Variants in SMC4 observed in about 807,000 individuals in gnomAD.
The protein encoded by SMC4 is structural maintenance of chromosomes protein 4.
SMC4 carries 87 observed loss-of-function variants against 145.6 expected under a neutral mutation model. The observed-to-expected ratio is 0.60, with a 90% CI of 0.50 to 0.71. SMC4 has a LOEUF of 0.71. SMC4 is among the 30% of genes least tolerant of loss of function. SMC4 has a pLI of 0.00. For synonymous variants in SMC4, 558 were observed against 500.7 expected (o/e 1.11, Z -1.53); for missense variants, 1,447 against 1,537.1 (o/e 0.94, Z 0.98).
intron 18 of SMC4, among the ~76,000 whole-genome samples, chr3:160,430,142 A>G (rs1718233341): frequency 6.6e-6 from 1 of 152,242 alleles, no homozygotes; most frequent in Non-Finnish European, 1.5e-5. Flanking sequence ...CATATTGATT[A>G]TCTGGTTAAA....
At position 160,419,453 on chromosome 3, in the gene SMC4, A is replaced by G. The variant is rs769580992; in HGVS notation, c.1767A>G (p.Ser589=). The part of the protein sequence containing the change: ...LFQKVEEAKS[S]LAMNRSRGKV... ...AAAAAGTTGAAGAAGCAAAGAGCTCATTAGCAATGAATCGAAGTAGGGGGA... is the reference window on the plus strand; with the variant it reads ...AAAAAGTTGAAGAAGCAAAGAGCTCGTTAGCAATGAATCGAAGTAGGGGGA... The change falls in exon 12 of 24, where the codon TCA becomes TCG. Residue 589 remains serine, a synonymous_variant. Transcript: ENST00000357388. The G allele has an allele frequency of 7.4e-6, 12 of 1,612,364 alleles. No homozygotes were observed. The South Asian group carries it at 1.3e-4, about 18-fold the overall frequency.
At chr3:160,417,391 T>G (rs1248739285) in intron 10 of SMC4, among the ~76,000 whole-genome samples, 2 of 152,176 alleles carry the variant, frequency 1.3e-5, no homozygotes, top group Non-Finnish European at 2.9e-5. Flanking sequence ...AGTTAGTGGA[T>G]TTTCACTGTT....
At chr3:160,426,390 G>A (rs1287312599) in intron 17 of SMC4, among the ~76,000 whole-genome samples, 190 bp downstream of exon 17, 1 of 152,192 alleles carries the variant, frequency 6.6e-6, no homozygotes, top group Non-Finnish European at 1.5e-5. Context: ...TGAGGCATTT[G>A]CCTAAGGTCA....
At chr3:160,415,011 G>C (rs909949303) in intron 9 of SMC4, among the ~76,000 whole-genome samples, 8 of 152,120 alleles carry the variant, frequency 5.3e-5, no homozygotes, top group African/African-American at 1.9e-4. Flanking sequence ...AGGTATTACA[G>C]ACTTAAAAAT....
chr3:160,403,775 T>C (rs901986317), intron 4 of SMC4, among the ~76,000 whole-genome samples: 4 of 152,104 alleles, frequency 2.6e-5, no homozygotes, highest in African/African-American at 9.7e-5. Flanking sequence ...AGTGTTAAAG[T>C]AGATTTGCAA....
In SMC4 at chr3:160,420,796, T is replaced by C. The variant is rs1386924630; in HGVS notation, c.1914T>C (p.His638=). ...ACGTGGCTATATCATCCTGTTGTCATGCACTGGACTACATTGTTGTTGATT... is the reference window on the plus strand; with the variant it reads ...ACGTGGCTATATCATCCTGTTGTCACGCACTGGACTACATTGTTGTTGATT... ...KYDVAISSCC[H]ALDYIVVDSI... is the part of the protein sequence containing the mutation. Residue 638 remains histidine (H), a synonymous_variant, in exon 13 of 24, where the codon CAT becomes CAC. Transcript: ENST00000357388. The C allele has an allele frequency of 3.1e-6, 5 of 1,613,954 alleles. No homozygotes were observed. Among genetic ancestry groups the C allele is most frequent in the Non-Finnish European group, 4.2e-6 (5 of 1,179,970 alleles).
Position 160,426,203 on chromosome 3 carries a change from A to T in SMC4, c.2605+3A>T. 6.3e-7 allele frequency: 1 copy of T among 1,584,732 alleles called. No homozygotes were observed. The highest frequency in any genetic ancestry group is 8.5e-7 in the Non-Finnish European group (1 of 1,170,202). On this transcript the variant is annotated splice_donor_region_variant and intron_variant, in intron 17 of 23. Transcript: ENST00000357388. ...AAACGTTAGTGCTTTCAAAACAGGTATGTTTAGAGATAGACCTTTTTTGGG... is the reference window on the plus strand; with the variant it reads ...AAACGTTAGTGCTTTCAAAACAGGTTTGTTTAGAGATAGACCTTTTTTGGG...
At chr3:160,412,543 C>A in intron 7 of SMC4, 90 bp downstream of exon 7, 4 of 1,430,626 alleles carry the variant, frequency 2.8e-6, no homozygotes, top group East Asian at 5.2e-5. Flanking sequence ...AACATGAAGA[C>A]TGAAGTGAAA....
chr3:160,430,766 G>A (rs763675814), intron 19 of SMC4, 23 bp downstream of exon 19: 1 of 1,596,194 alleles, frequency 6.3e-7, no homozygotes, highest in South Asian at 1.1e-5. Context: ...TTGTATTGAA[G>A]AGGAGATGGG....
At chr3:160,418,091 G>T in intron 11 of SMC4, 135 bp downstream of exon 11, 2 of 712,904 alleles carry the variant, frequency 2.8e-6, no homozygotes, top group Non-Finnish European at 4.7e-6. Flanking sequence ...AAAGAATGAG[G>T]TCAGCATTTC....
chr3:160,401,019 A>C, intron 2 of SMC4, 54 bp downstream of exon 2: 2 of 1,361,358 alleles, frequency 1.5e-6, no homozygotes, highest in Non-Finnish European at 1.9e-6. Context: ...CTGGCAGGCA[A>C]ACGCGCCCAG....
chr3:160,400,678 GCTCCCTTCC>G (rs1356758993), intron 1 of SMC4, 135 bp from the exon 2 acceptor site: 15 of 1,054,638 alleles, frequency 1.4e-5, no homozygotes, highest in Middle Eastern at 3.0e-4. Flanking sequence ...TCTTTCGATG[GCTCCCTTCC>G]CGAAGTCCCG....
chr3:160,408,415 GATA>G (rs1715587947), intron 5 of SMC4, among the ~76,000 whole-genome samples: 1 of 152,160 alleles, frequency 6.6e-6, no homozygotes, highest in African/African-American at 2.4e-5. Flanking sequence ...CATAACTTAA[GATA>G]ACAGTGGTGG....
intron 7 of SMC4, 122 bp from the exon 8 acceptor site, chr3:160,413,351 C>CA (rs763891553): frequency 1.4e-5 from 13 of 903,750 alleles, no homozygotes; most frequent in Non-Finnish European, 1.9e-5. Context: ...ATAGCCTAGG[C>CA]AGTCATATAT....
intron 8 of SMC4, 72 bp from the exon 9 acceptor site, chr3:160,414,294 TC>T (rs776385473): frequency 1.6e-6 from 2 of 1,216,206 alleles, no homozygotes; most frequent in Non-Finnish European, 1.2e-6. Flanking sequence ...GAGGAAGTGT[TC>T]CAGGTAGGAA....
intron 7 of SMC4, 54 bp from the exon 8 acceptor site, chr3:160,413,419 T>A: frequency 6.5e-7 from 1 of 1,531,478 alleles, no homozygotes; most frequent in Non-Finnish European, 8.8e-7. Flanking sequence ...TATACAGTTT[T>A]GGAAATGGCA....
At chr3:160,399,999 T>A (rs897506246) in intron 1 of SMC4, 1 of 152,218 alleles carries the variant, frequency 6.6e-6, no homozygotes, top group African/African-American at 2.4e-5. Flanking sequence ...GCCTCGCAGA[T>A]CTTTTCTTTA....
At chr3:160,412,209 T>C (rs761613364) in intron 6 of SMC4, 117 bp from the exon 7 acceptor site, 2 of 1,417,764 alleles carry the variant, frequency 1.4e-6, no homozygotes, top group East Asian at 4.8e-5. Flanking sequence ...ATTTATATCT[T>C]AACATTTAAG....
chr3:160,401,866 C>CT, intron 2 of SMC4, 49 bp from the exon 3 acceptor site: 1 of 1,487,262 alleles, frequency 6.7e-7, no homozygotes. Flanking sequence ...CTAATGTAGG[C>CT]TTTTCCCCCG....
Sources: allele counts gnomAD v4.1 joint callset (sites outside exome capture counted in the v4.1 genomes callset), GRCh38; gene constraint gnomAD v4.1.1; transcripts MANE v1.5; gene names NCBI Gene and HGNC (gene_info 2026-07-23, HGNC 2026-07-21).